Variants in FCHSD2 observed in about 807,000 individuals in gnomAD.
FCHSD2 encodes the protein F-BAR and double SH3 domains protein 2.
Under a neutral mutation model 108.1 loss-of-function variants are expected in FCHSD2, and 38 were observed. The observed-to-expected ratio is 0.35, with a 90% CI of 0.27 to 0.46. The LOEUF (loss-of-function observed/expected upper bound fraction) is 0.46. Ranked by LOEUF, FCHSD2 falls within the 20% of genes least tolerant of loss-of-function variation. FCHSD2 has a pLI of 1.00. For missense variants in FCHSD2, 751 were observed against 897.8 expected (o/e 0.84, Z 2.09); for synonymous variants, 279 against 314.7 (o/e 0.89, Z 1.20).
chr11:72,873,652 C>T (rs924930981), intron 12 of FCHSD2, among the ~76,000 whole-genome samples: 4 of 151,964 alleles, frequency 2.6e-5, no homozygotes, highest in Non-Finnish European at 4.4e-5. Context: ...GAAACTAATC[C>T]AAGGCCACAA....
intron 10 of FCHSD2, among the ~76,000 whole-genome samples, chr11:72,891,008 C>T (rs1490321278): frequency 6.6e-6 from 1 of 152,144 alleles, no homozygotes. Context: ...GCCTCAACCT[C>T]CGGGCTCAAG....
intron 10 of FCHSD2, among the ~76,000 whole-genome samples, chr11:72,897,320 A>T (rs1405156129): frequency 5.8e-5 from 2 of 34,414 alleles, no homozygotes; most frequent in African/African-American, 9.1e-5. Context: ...TAAAAAGAGT[A>T]AAAAAAAAAA....
intron 2 of FCHSD2, among the ~76,000 whole-genome samples, chr11:73,097,989 AG>A (rs1860131984): frequency 6.6e-6 from 1 of 152,076 alleles, no homozygotes. Flanking sequence ...TTCTAATCTA[AG>A]GTTTGCCAAT....
intron 4 of FCHSD2, among the ~76,000 whole-genome samples, chr11:73,003,523 G>T (rs1857669757): frequency 7.1e-6 from 1 of 140,526 alleles, no homozygotes; most frequent in Non-Finnish European, 1.5e-5. Flanking sequence ...GTCTTGCTCT[G>T]TCGCCCAGGC....
At position 72,988,945 on chromosome 11, in the gene FCHSD2, G is replaced by A. The variant is rs779468128; in HGVS notation, c.521+19C>T. ...ATTTATTTGCATAATAATTTTCTCA[G>A]AAATGTTAAAACACATACTTTGCCT... On this transcript the variant is annotated intron_variant, in intron 6 of 19. Transcript: ENST00000409418. The A allele has an allele frequency of 1.9e-6, 3 of 1,588,422 alleles. No individual in the cohort carries two copies. The Admixed American group carries it at 5.4e-5, about 29-fold the overall frequency.
chr11:72,878,642 T>C (rs914007189), intron 12 of FCHSD2, among the ~76,000 whole-genome samples: 1 of 152,100 alleles, frequency 6.6e-6, no homozygotes, highest in African/African-American at 2.4e-5. Context: ...TTAGATAATA[T>C]GGAACTTAAA....
At chr11:72,915,928 G>A (rs1166352378) in intron 9 of FCHSD2, among the ~76,000 whole-genome samples, 1 of 152,188 alleles carries the variant, frequency 6.6e-6, no homozygotes, top group Non-Finnish European at 1.5e-5. Flanking sequence ...AACATGAATG[G>A]AGCTGGAGGC....
intron 10 of FCHSD2, among the ~76,000 whole-genome samples, chr11:72,899,660 C>T (rs554582326): frequency 9.9e-4 from 140 of 141,926 alleles, no homozygotes; most frequent in Non-Finnish European, 1.6e-3. Context: ...CTGCTCGAGC[C>T]CAGGAGGTTG....
chr11:72,968,835 T>A (rs1856959718), intron 8 of FCHSD2, among the ~76,000 whole-genome samples: 1 of 152,224 alleles, frequency 6.6e-6, no homozygotes, highest in Non-Finnish European at 1.5e-5. Context: ...TGACCAACAC[T>A]TCTCCTTGGT....
In FCHSD2 at chr11:72,991,874, C is replaced by T. The variant is rs571860733; in HGVS notation, c.388-2777G>A. 5.3e-5 allele frequency among the ~76,000 whole-genome samples: 8 copies of T among 152,300 alleles called. No individual in the cohort carries two copies. In the East Asian group the frequency reaches 1.5e-3, roughly 29 times the overall value. On this transcript the variant is annotated intron_variant, in intron 5 of 19. Transcript: ENST00000409418. ...ACAAGACAGGGATGCCCTCTCTCAC[C>T]ACTCCTATTCAACATAGTGTTGGAA... is the stretch of plus-strand genomic sequence containing the variant.
At chr11:73,076,416 C>A (rs951106633) in intron 3 of FCHSD2, among the ~76,000 whole-genome samples, 3 of 152,136 alleles carry the variant, frequency 2.0e-5, no homozygotes, top group Non-Finnish European at 2.9e-5. Context: ...TCAAAAATAT[C>A]TGCTAAGCGA....
At chr11:72,845,437 CAAAAAAAAAAAAA>C (rs755929012) in intron 14 of FCHSD2, among the ~76,000 whole-genome samples, 8 of 81,960 alleles carry the variant, frequency 9.8e-5, no homozygotes, top group African/African-American at 2.2e-4. Flanking sequence ...GACCCTGTCT[CAAAAAAAAAAAAA>C]AAAAAAAAAA....
intron 5 of FCHSD2, among the ~76,000 whole-genome samples, chr11:72,993,932 C>A (rs960935045): frequency 6.6e-6 from 1 of 151,994 alleles, no homozygotes; most frequent in African/African-American, 2.4e-5. Context: ...AAATAAATAT[C>A]GGATAGAAAA....
At chr11:73,108,647 C>T (rs1221146200) in intron 2 of FCHSD2, among the ~76,000 whole-genome samples, 2 of 152,206 alleles carry the variant, frequency 1.3e-5, no homozygotes. Context: ...CGGCTCACTG[C>T]AAGCTCCGCT....
rs146349986 is a variant in FCHSD2 at position 73,013,700 on chromosome 11, T to C, written c.242+2109A>G. Among the ~76,000 whole-genome samples the C allele has an allele frequency of 3.1e-3, 476 of 152,348 alleles. 1 individual carries two copies. The highest frequency in any genetic ancestry group is 0.011 in the African/African-American group (455 of 41,588). On this transcript the variant is annotated intron_variant, in intron 4 of 19. Transcript: ENST00000409418. Reference sequence around the variant, plus strand: ...AGTTCTTAGCACAGTGTCTGCCACATAGTAAATATTTTGTATATCTTGGCT... The same window carrying C: ...AGTTCTTAGCACAGTGTCTGCCACACAGTAAATATTTTGTATATCTTGGCT...
intron 3 of FCHSD2, among the ~76,000 whole-genome samples, chr11:73,016,820 T>C (rs145881197): frequency 7.7e-4 from 117 of 152,324 alleles, no homozygotes; most frequent in African/African-American, 2.6e-3. Context: ...CTTACTATTA[T>C]CTACACAACA....
In FCHSD2 at chr11:72,927,717, T is replaced by C. The variant is rs538400112; in HGVS notation, c.706-5767A>G. ...TACTGAACTGCACAGTTACTTTAGC[T>C]GACTAGGTTGAGCATTTATGTGGAC... On this transcript the variant is annotated intron_variant, in intron 8 of 19. Transcript: ENST00000409418. 9.2e-5 allele frequency among the ~76,000 whole-genome samples: 14 copies of C among 152,358 alleles called. No homozygotes were observed. The East Asian group carries it at 2.7e-3, about 29-fold the overall frequency.
At chr11:73,091,212 G>A (rs1859949017) in intron 2 of FCHSD2, among the ~76,000 whole-genome samples, 1 of 152,132 alleles carries the variant, frequency 6.6e-6, no homozygotes, top group African/African-American at 2.4e-5. Flanking sequence ...GGATAATGCT[G>A]CTATCCACAT....
intron 3 of FCHSD2, among the ~76,000 whole-genome samples, chr11:73,057,686 C>T (rs757553264): frequency 6.6e-6 from 1 of 152,090 alleles, no homozygotes; most frequent in Non-Finnish European, 1.5e-5. Context: ...GTTTATTCAT[C>T]ATCAACAAAA....
Sources: gnomAD v4.1 joint callset for allele counts (sites outside exome capture counted in the v4.1 genomes callset) on GRCh38, gnomAD v4.1.1 for gene constraint, MANE v1.5 for transcripts, NCBI Gene and HGNC (gene_info 2026-07-23, HGNC 2026-07-21) for gene names.